TLE1: variants seen among roughly 807,000 people sequenced by gnomAD.
TLE1 encodes the protein transducin-like enhancer protein 1.
A neutral mutation model predicts 89.8 loss-of-function variants in TLE1; 21 were observed. The ratio of observed to expected loss-of-function variants is 0.23; its 90% CI spans 0.17 to 0.34. The LOEUF (loss-of-function observed/expected upper bound fraction) is 0.34. Among genes scored for constraint, TLE1 ranks in the 10% least tolerant of loss-of-function variants. The pLI is 1.00. For synonymous variants in TLE1, 447 were observed against 407.6 expected, an observed-to-expected ratio of 1.10 and a Z score of -1.16; for missense variants, 795 against 1,031.2, an observed-to-expected ratio of 0.77 and a Z score of 3.14.
At chr9:81,600,110 A>G (rs1246877542) in intron 14 of TLE1, 1 of 745,604 alleles carries the variant, frequency 1.3e-6, no homozygotes, top group Non-Finnish European at 2.5e-6. Flanking sequence ...GGGCAGGAAC[A>G]AGGCTCCTAA....
chr9:81,615,806 G>C (rs1042860810), intron 11 of TLE1, among the ~76,000 whole-genome samples, 176 bp downstream of exon 11: 1 of 152,000 alleles, frequency 6.6e-6, no homozygotes, highest in Admixed American at 6.6e-5. Flanking sequence ...GATGACTGAG[G>C]GGAAAAAGTA....
intron 4 of TLE1, among the ~76,000 whole-genome samples, chr9:81,666,553 G>A (rs968343561): frequency 6.6e-6 from 1 of 152,048 alleles, no homozygotes; most frequent in South Asian, 2.1e-4. Context: ...GAGGCAGGCG[G>A]ATTATGAGGT....
intron 14 of TLE1, among the ~76,000 whole-genome samples, chr9:81,595,627 G>A (rs1215603734): frequency 6.6e-6 from 1 of 152,044 alleles, no homozygotes; most frequent in Non-Finnish European, 1.5e-5. Flanking sequence ...GACCATCCTG[G>A]CTAACAGAGT....
intron 6 of TLE1, among the ~76,000 whole-genome samples, chr9:81,639,352 A>AC (rs1209233274): frequency 6.6e-6 from 1 of 152,090 alleles, no homozygotes; most frequent in African/African-American, 2.4e-5. Flanking sequence ...AGCGTAAGCT[A>AC]CCATAGCTGG....
intron 4 of TLE1, among the ~76,000 whole-genome samples, chr9:81,682,008 G>T (rs1309332966): frequency 1.3e-5 from 2 of 152,070 alleles, no homozygotes; most frequent in Non-Finnish European, 2.9e-5. Context: ...CACTTTGGGA[G>T]GCCAAGGTGG....
At chr9:81,633,641 G>C in intron 7 of TLE1, 1 of 529,788 alleles carries the variant, frequency 1.9e-6, no homozygotes, top group Non-Finnish European at 3.3e-6. Flanking sequence ...TTAGTCAAGT[G>C]CAATTTTGCC....
intron 6 of TLE1, among the ~76,000 whole-genome samples, chr9:81,650,297 A>C (rs996519087): frequency 2.0e-5 from 3 of 152,236 alleles, no homozygotes; most frequent in African/African-American, 4.8e-5. Flanking sequence ...GGAGATTCAC[A>C]AGAGCTGGGC....
chr9:81,657,527 T>G (rs1005496924), intron 4 of TLE1, among the ~76,000 whole-genome samples: 1 of 152,184 alleles, frequency 6.6e-6, no homozygotes, highest in Non-Finnish European at 1.5e-5. Context: ...CAAAGTAGAC[T>G]TGAACATGGT....
intron 6 of TLE1, among the ~76,000 whole-genome samples, chr9:81,651,645 A>C (rs1268628399): frequency 6.6e-6 from 1 of 152,196 alleles, no homozygotes; most frequent in Non-Finnish European, 1.5e-5. Flanking sequence ...AAAAGGCAAA[A>C]AGCAAGGATA....
chr9:81,584,639 T>A, intron 18 of TLE1, 115 bp from the exon 19 acceptor site: 1 of 892,920 alleles, frequency 1.1e-6, no homozygotes, highest in Non-Finnish European at 1.7e-6. Context: ...TATCATGCCC[T>A]AAGGACTGGT....
At chr9:81,657,964 C>T (rs1830344517) in intron 4 of TLE1, among the ~76,000 whole-genome samples, 1 of 144,682 alleles carries the variant, frequency 6.9e-6, no homozygotes, top group African/African-American at 2.6e-5. Flanking sequence ...GGCTGGAGTG[C>T]AGTGGCACAG....
At chr9:81,644,028 A>G (rs1036316402) in intron 6 of TLE1, among the ~76,000 whole-genome samples, 1 of 152,220 alleles carries the variant, frequency 6.6e-6, no homozygotes, top group Non-Finnish European at 1.5e-5. Context: ...AGGAAAATGC[A>G]AATCAAAAAC....
At chr9:81,632,474 C>CT (rs1563998736) in intron 8 of TLE1, among the ~76,000 whole-genome samples, 861 of 73,382 alleles carry the variant, frequency 0.012, 10 homozygotes, top group African/African-American at 0.037. Flanking sequence ...GTTCAGTATC[C>CT]CTTTTTTTTT....
intron 1 of TLE1, among the ~76,000 whole-genome samples, chr9:81,688,010 G>C (rs1359158151): frequency 6.6e-6 from 1 of 152,076 alleles, no homozygotes; most frequent in Non-Finnish European, 1.5e-5. Flanking sequence ...TAGACGTCAA[G>C]TAGGAAGGAG....
intron 4 of TLE1, among the ~76,000 whole-genome samples, chr9:81,663,107 A>G (rs533332735): frequency 3.9e-5 from 6 of 152,210 alleles, no homozygotes; most frequent in Admixed American, 6.6e-5. Context: ...CGGCCCCCCA[A>G]AGTGCTGGGA....
intron 9 of TLE1, among the ~76,000 whole-genome samples, chr9:81,619,365 T>C (rs913321849): frequency 5.3e-5 from 8 of 152,152 alleles, no homozygotes; most frequent in Admixed American, 1.3e-4. Flanking sequence ...ATCTTAGCAT[T>C]GTGTCGAAGA....
chr9:81,662,102 G>T (rs997933194), intron 4 of TLE1, among the ~76,000 whole-genome samples: 1 of 152,124 alleles, frequency 6.6e-6, no homozygotes, highest in Non-Finnish European at 1.5e-5. Context: ...TAGTTTCAAA[G>T]CGAAAAGAGA....
chr9:81,688,960 C>T lies in TLE1; in HGVS notation c.-720G>A, dbSNP rs942728925. 6.6e-6 allele frequency: 1 copy of T among 152,370 alleles called. No individual in the cohort carries two copies. Among genetic ancestry groups the T allele is most frequent in the African/African-American group, 2.4e-5 (1 of 41,458 alleles). The allele number at this position is 152,370 out of a possible 1,614,324, so 9.4% of individuals were successfully genotyped here. ...CTCGGCACGCCCCGTGCGACCAGCACTCGGTGTTCTCCGCGGTTGCACAAA... is the reference window on the plus strand; with the variant it reads ...CTCGGCACGCCCCGTGCGACCAGCATTCGGTGTTCTCCGCGGTTGCACAAA... On this transcript the variant is annotated 5_prime_UTR_variant, in exon 1 of 20. In the 5' UTR this introduces an upstream ATG that the reference lacks. Transcript: ENST00000376499.
intron 4 of TLE1, among the ~76,000 whole-genome samples, chr9:81,662,603 T>C (rs1830957053): frequency 6.6e-6 from 1 of 150,712 alleles, no homozygotes; most frequent in Non-Finnish European, 1.5e-5. Context: ...GGAGCTGAGG[T>C]GGTAGAATAG....
Sources: allele counts gnomAD v4.1 joint callset (sites outside exome capture counted in the v4.1 genomes callset), GRCh38; gene constraint gnomAD v4.1.1; transcripts MANE v1.5; gene names NCBI Gene and HGNC (gene_info 2026-07-23, HGNC 2026-07-21).